The following KSR2 variants were observed in gnomAD, a reference collection of about 807,000 sequenced individuals.
The protein encoded by KSR2 is kinase suppressor of ras 2.
KSR2 carries 25 observed loss-of-function variants against 107.8 expected under a neutral mutation model. The observed-to-expected ratio is 0.23, with a 90% confidence interval of 0.17 to 0.32. The LOEUF (loss-of-function observed/expected upper bound fraction) is 0.32, where lower values mean the gene tolerates loss of function less well. Among genes scored for constraint, KSR2 ranks in the 10% least tolerant of loss-of-function variants. The pLI is 1.00. For synonymous variants in KSR2, 480 were observed against 507.0 expected, an observed-to-expected ratio of 0.95 and a Z score of 0.71; for missense variants, 887 against 1,268.9, an observed-to-expected ratio of 0.70 and a Z score of 4.57.
Position 117,895,635 on chromosome 12 carries a change from G to T in KSR2, c.181-35204C>A, listed in dbSNP as rs556591283. Reference sequence around the variant, plus strand: ...GCAGAACCCTCCTGCATCACTGGGGGAATATAATATTGTGGAGCTGCTGTG... The same window carrying T: ...GCAGAACCCTCCTGCATCACTGGGGTAATATAATATTGTGGAGCTGCTGTG... On this transcript the variant is annotated intron_variant, in intron 1 of 19. Transcript: ENST00000339824. Among the ~76,000 whole-genome samples the T allele has an allele frequency of 2.6e-5, 4 of 152,276 alleles. No homozygotes were observed. The South Asian group carries it at 8.3e-4, about 32-fold the overall frequency.
At chr12:117,785,860 A>G (rs1427322058) in intron 3 of KSR2, among the ~76,000 whole-genome samples, 1 of 152,210 alleles carries the variant, frequency 6.6e-6, no homozygotes, top group Non-Finnish European at 1.5e-5. Context: ...AGAATTAAGA[A>G]GGATTGGTGC....
chr12:117,736,150 C>CA (rs1388482254), intron 4 of KSR2, among the ~76,000 whole-genome samples: 12 of 152,322 alleles, frequency 7.9e-5, no homozygotes, highest in Admixed American at 5.9e-4. Flanking sequence ...TCTCTAGGCC[C>CA]AGCCAACTCA....
intron 7 of KSR2, among the ~76,000 whole-genome samples, chr12:117,570,364 A>G (rs1264169562): frequency 6.6e-6 from 1 of 152,200 alleles, no homozygotes; most frequent in Non-Finnish European, 1.5e-5. Flanking sequence ...TAGAAACTGT[A>G]GATGGTGTTA....
chr12:117,819,427 G>A (rs1217250617), intron 3 of KSR2, among the ~76,000 whole-genome samples: 1 of 152,218 alleles, frequency 6.6e-6, no homozygotes, highest in Non-Finnish European at 1.5e-5. Flanking sequence ...TAGACCTGGT[G>A]AGGTTATTTC....
chr12:117,508,952 T>C (rs1592939342), intron 14 of KSR2, among the ~76,000 whole-genome samples: 1 of 150,356 alleles, frequency 6.7e-6, no homozygotes. Flanking sequence ...GATGAGTGGA[T>C]GGATGGTAGG....
chr12:117,760,221 G>T (rs1484059689), intron 4 of KSR2, among the ~76,000 whole-genome samples: 23 of 152,188 alleles, frequency 1.5e-4, no homozygotes, highest in Admixed American at 1.4e-3. Context: ...CTACTTTTTG[G>T]CTACTGTGAA....
rs571671323 is a variant in KSR2 at position 117,850,331 on chromosome 12, A to T, written c.472+5097T>A. Among the ~76,000 whole-genome samples the T allele has an allele frequency of 1.1e-4, 16 of 152,332 alleles. No individual in the cohort carries two copies. In the East Asian group the frequency reaches 3.1e-3, roughly 29 times the overall value. On this transcript the variant is annotated intron_variant, in intron 3 of 19. Coordinates refer to ENST00000339824, the MANE Select transcript of KSR2 (RefSeq NM_173598.6). ...GGCCTCATAGAGAACCAGGCTTTGC[A>T]CTGGGCCTGGGGAAGAGCAGGGATT...
At chr12:117,716,297 T>G (rs1370933818) in intron 4 of KSR2, among the ~76,000 whole-genome samples, 3 of 152,096 alleles carry the variant, frequency 2.0e-5, no homozygotes, top group Admixed American at 1.3e-4. Context: ...CCAGAAAAAT[T>G]TACTCTGAAG....
rs951186528 is a variant in KSR2 at position 117,459,361 on chromosome 12, G to A, written c.*7838C>T. 2.0e-5 allele frequency: 3 copies of A among 151,912 alleles called. No individual in the cohort carries two copies. Among genetic ancestry groups the A allele is most frequent in the African/African-American group, 2.4e-5 (1 of 41,302 alleles). The allele number at this position is 151,912 out of a possible 1,614,324, so 9.4% of individuals were successfully genotyped here. Reference sequence around the variant, plus strand: ...GGCCTCAGATCCTGCTTCTGTGAAAGGAGAAGAGTGAGATAAGGGAGGGTC... The same window carrying A: ...GGCCTCAGATCCTGCTTCTGTGAAAAGAGAAGAGTGAGATAAGGGAGGGTC... On this transcript the variant is annotated 3_prime_UTR_variant, in exon 20 of 20. Transcript: ENST00000339824.
intron 7 of KSR2, among the ~76,000 whole-genome samples, chr12:117,571,158 G>A (rs1030164286): frequency 4.6e-5 from 7 of 152,084 alleles, no homozygotes; most frequent in Admixed American, 1.3e-4. Flanking sequence ...CTCAGGAGGC[G>A]GAGGCGGGAG....
chr12:117,714,428 G>T (rs2136665984), intron 4 of KSR2, among the ~76,000 whole-genome samples: 1 of 152,254 alleles, frequency 6.6e-6, no homozygotes, highest in African/African-American at 2.4e-5. Flanking sequence ...TCAGAGCCTG[G>T]GAATAAGAGC....
At chr12:117,917,381 A>T (rs572494490) in intron 1 of KSR2, among the ~76,000 whole-genome samples, 105 of 151,680 alleles carry the variant, frequency 6.9e-4, no homozygotes, top group African/African-American at 2.5e-3. Flanking sequence ...TCTCTAAAAA[A>T]TTTTTTTTTA....
chr12:117,785,318 G>C (rs1280173358), intron 3 of KSR2, among the ~76,000 whole-genome samples: 2 of 141,156 alleles, frequency 1.4e-5, no homozygotes, highest in African/African-American at 5.2e-5. Context: ...GGGAGGTTAA[G>C]ACAGGAGAAT....
At chr12:117,497,060 T>C (rs1448024925) in intron 14 of KSR2, among the ~76,000 whole-genome samples, 1 of 151,752 alleles carries the variant, frequency 6.6e-6, no homozygotes, top group African/African-American at 2.4e-5. Context: ...ATATTTTTAG[T>C]GGAGACAGGG....
intron 4 of KSR2, among the ~76,000 whole-genome samples, chr12:117,747,448 G>C (rs1486725682): frequency 6.6e-6 from 1 of 151,944 alleles, no homozygotes; most frequent in Non-Finnish European, 1.5e-5. Flanking sequence ...TGGGGGACAG[G>C]GGGAGGGAGA....
At chr12:117,912,033 T>C (rs1044928739) in intron 1 of KSR2, among the ~76,000 whole-genome samples, 1 of 152,236 alleles carries the variant, frequency 6.6e-6, no homozygotes, top group African/African-American at 2.4e-5. Flanking sequence ...ATTGAAAACA[T>C]ATCACCGACT....
At chr12:117,852,543 A>G (rs150464696) in intron 3 of KSR2, among the ~76,000 whole-genome samples, 238 of 152,306 alleles carry the variant, frequency 1.6e-3, no homozygotes, top group Middle Eastern at 0.014. Context: ...ACAGCCTAGA[A>G]TGTCACAAAA....
chr12:117,923,781 A>G (rs1895416991), intron 1 of KSR2, among the ~76,000 whole-genome samples: 1 of 152,146 alleles, frequency 6.6e-6, no homozygotes, highest in African/African-American at 2.4e-5. Context: ...TGAAACAAAC[A>G]ACTAAGTAAA....
intron 5 of KSR2, among the ~76,000 whole-genome samples, chr12:117,593,202 C>T (rs144296461): frequency 6.6e-6 from 1 of 152,322 alleles, no homozygotes; most frequent in East Asian, 1.9e-4. Flanking sequence ...TCAAAGCTGG[C>T]TTCCCCTGCC....
Sources: allele counts gnomAD v4.1 joint callset (sites outside exome capture counted in the v4.1 genomes callset), GRCh38; gene constraint gnomAD v4.1.1; transcripts MANE v1.5; gene names NCBI Gene and HGNC (gene_info 2026-07-23, HGNC 2026-07-21).